The following CNTNAP2 variants were observed in gnomAD, a reference collection of about 807,000 sequenced individuals.
The protein encoded by CNTNAP2 is contactin-associated protein-like 2.
Under a neutral mutation model 155.2 loss-of-function variants are expected in CNTNAP2, and 98 were observed. The ratio of observed to expected loss-of-function variants is 0.63; its 90% confidence interval spans 0.54 to 0.75. CNTNAP2 has a LOEUF of 0.75. CNTNAP2 is among the 30% of genes least tolerant of loss of function. The probability of loss-of-function intolerance (pLI) is 0.00; values close to 1 mark genes in which losing one functional copy is unlikely to be tolerated. For missense variants in CNTNAP2, 1,727 were observed against 1,688.1 expected (o/e 1.02, Z -0.40); for synonymous variants, 651 against 631.2 (o/e 1.03, Z -0.47).
rs563954445 is a variant in CNTNAP2, at chr7:148,067,867, G to T, written c.2384-50251G>T. Among the ~76,000 whole-genome samples the T allele has an allele frequency of 6.6e-5, 10 of 152,304 alleles. No homozygotes were observed. In the South Asian group the frequency reaches 2.1e-3, roughly 32 times the overall value. On this transcript the variant is annotated intron_variant, in intron 15 of 23. Coordinates refer to ENST00000361727, the MANE Select transcript of CNTNAP2 (RefSeq NM_014141.6). Reference sequence around the variant, plus strand: ...GCGGTGTGGTTCTCAGGCCAATGGAGTTATGTTCCCAGGGGGATTATGGCT... The same window carrying T: ...GCGGTGTGGTTCTCAGGCCAATGGATTTATGTTCCCAGGGGGATTATGGCT...
chr7:146,566,897 C>G (rs1798365857), intron 1 of CNTNAP2, among the ~76,000 whole-genome samples: 2 of 152,020 alleles, frequency 1.3e-5, no homozygotes, highest in Non-Finnish European at 1.5e-5. Flanking sequence ...AGAAAAATAT[C>G]CATCCTCTGA....
chr7:146,242,136 G>C (rs1799572311), intron 1 of CNTNAP2, among the ~76,000 whole-genome samples: 1 of 152,112 alleles, frequency 6.6e-6, no homozygotes, highest in South Asian at 2.1e-4. Flanking sequence ...CATTGTTTTT[G>C]TAAGTATTGA....
Position 146,774,216 on chromosome 7 carries a change from G to A in CNTNAP2, c.98-55G>A, listed in dbSNP as rs576178823. 19 of 1,265,810 alleles carry A rather than the reference G, an allele frequency of 1.5e-5. 1 individual carries two copies. The highest frequency in any genetic ancestry group is 8.8e-5 in the African/African-American group (6 of 68,064). 78.4% of individuals were successfully genotyped at this position (1,265,810 alleles called of 1,614,324 possible). On this transcript the variant is annotated intron_variant, in intron 1 of 23. Transcript: ENST00000361727. ...ATTTTTTAACCAACACATACCAATC[G>A]TTATTTCGAAATCGTTGTTGAGTGT...
intron 13 of CNTNAP2, among the ~76,000 whole-genome samples, chr7:147,802,808 G>A (rs1798028239): frequency 6.7e-6 from 1 of 150,136 alleles, no homozygotes; most frequent in Non-Finnish European, 1.5e-5. Context: ...AGAGGGAGAG[G>A]GAGAGGGAGA....
At chr7:148,032,132 T>C (rs1191218701) in intron 15 of CNTNAP2, among the ~76,000 whole-genome samples, 9 of 152,178 alleles carry the variant, frequency 5.9e-5, no homozygotes, top group Admixed American at 4.6e-4. Context: ...GGGAGGGGCT[T>C]AGGCAATGGG....
intron 13 of CNTNAP2, among the ~76,000 whole-genome samples, chr7:147,896,744 G>A (rs989186137): frequency 6.6e-6 from 1 of 152,202 alleles, no homozygotes; most frequent in Admixed American, 6.5e-5. Context: ...GTAGCCTCCA[G>A]CTGCATGACT....
chr7:148,386,495 G>T (rs976690456), intron 22 of CNTNAP2, among the ~76,000 whole-genome samples: 2 of 152,096 alleles, frequency 1.3e-5, no homozygotes, highest in African/African-American at 2.4e-5. Flanking sequence ...GCCACTGCAA[G>T]ACTCTGTCTC....
intron 1 of CNTNAP2, among the ~76,000 whole-genome samples, chr7:146,658,917 A>C (rs1007484850): frequency 1.3e-5 from 2 of 152,146 alleles, no homozygotes; most frequent in Non-Finnish European, 2.9e-5. Flanking sequence ...AAGGTGCTGT[A>C]GTTTTTGAGC....
chr7:147,882,981 C>A (rs796589061), intron 13 of CNTNAP2, among the ~76,000 whole-genome samples: 1 of 152,174 alleles, frequency 6.6e-6, no homozygotes, highest in African/African-American at 2.4e-5. Context: ...CAGCTACATA[C>A]AATTTTTAAA....
chr7:147,550,630 G>T (rs187512939), intron 11 of CNTNAP2, among the ~76,000 whole-genome samples: 53 of 152,262 alleles, frequency 3.5e-4, no homozygotes, highest in Middle Eastern at 3.4e-3. Context: ...AAGGGAAGGG[G>T]CTGATGTGGG....
chr7:147,647,491 G>C (rs1795385515), intron 13 of CNTNAP2, among the ~76,000 whole-genome samples: 1 of 152,136 alleles, frequency 6.6e-6, no homozygotes, highest in Non-Finnish European at 1.5e-5. Flanking sequence ...TACCCACGGT[G>C]ATCACCATTT....
chr7:147,123,792 G>A (rs1293451535), intron 6 of CNTNAP2, among the ~76,000 whole-genome samples: 1 of 152,178 alleles, frequency 6.6e-6, no homozygotes, highest in Non-Finnish European at 1.5e-5. Flanking sequence ...TGTAATCCTA[G>A]CACTTTGGGA....
chr7:147,952,950 G>C (rs57846245), intron 14 of CNTNAP2, among the ~76,000 whole-genome samples: 1 of 152,078 alleles, frequency 6.6e-6, no homozygotes, highest in Non-Finnish European at 1.5e-5. Context: ...CCTGAGAAAC[G>C]TAGAGATTTA....
intron 14 of CNTNAP2, among the ~76,000 whole-genome samples, chr7:147,923,601 T>C (rs1253362841): frequency 6.6e-6 from 1 of 151,860 alleles, no homozygotes; most frequent in Non-Finnish European, 1.5e-5. Context: ...GCAGCCTCAA[T>C]TGCCAGGGCT....
intron 10 of CNTNAP2, among the ~76,000 whole-genome samples, chr7:147,414,102 A>C (rs1420425962): frequency 6.6e-6 from 1 of 152,190 alleles, no homozygotes; most frequent in Non-Finnish European, 1.5e-5. Context: ...ATGGAAACAG[A>C]AAATGGTTTT....
intron 11 of CNTNAP2, among the ~76,000 whole-genome samples, chr7:147,542,476 T>A (rs896049433): frequency 1.3e-5 from 2 of 152,188 alleles, no homozygotes; most frequent in African/African-American, 4.8e-5. Context: ...AGCATCTTTA[T>A]TTGCAAGCTG....
At chr7:147,415,317 G>T (rs145330005) in intron 10 of CNTNAP2, among the ~76,000 whole-genome samples, 4 of 152,240 alleles carry the variant, frequency 2.6e-5, no homozygotes, top group Admixed American at 6.5e-5. Context: ...TAGTCCAATT[G>T]ATAAGGTTAG....
intron 8 of CNTNAP2, among the ~76,000 whole-genome samples, chr7:147,249,890 C>T (rs1804155853): frequency 6.6e-6 from 1 of 152,130 alleles, no homozygotes; most frequent in African/African-American, 2.4e-5. Context: ...CACACACAAC[C>T]CTCACGCAGC....
At position 147,142,051 on chromosome 7, in the gene CNTNAP2, T is replaced by C. The variant is rs1182941747; in HGVS notation, c.1348+9542T>C. ...CAATTTGACTTCCTCTTTTCCTAAT[T>C]GAATACCCTTTATTTCCTTCTCCTG... is the stretch of plus-strand genomic sequence containing the variant. On this transcript the variant is annotated intron_variant, in intron 8 of 23. Coordinates refer to ENST00000361727, the MANE Select transcript of CNTNAP2 (RefSeq NM_014141.6). Among the ~76,000 whole-genome samples, 4 of 152,134 alleles carry C rather than the reference T, an allele frequency of 2.6e-5. No homozygotes were observed. In the East Asian group the frequency reaches 7.7e-4, roughly 29 times the overall value.
Sources: gnomAD v4.1 joint callset for allele counts (sites outside exome capture counted in the v4.1 genomes callset) on GRCh38, gnomAD v4.1.1 for gene constraint, MANE v1.5 for transcripts, NCBI Gene and HGNC (gene_info 2026-07-23, HGNC 2026-07-21) for gene names.